Variants in KCNIP4 observed in about 807,000 individuals in gnomAD.
KCNIP4 encodes Kv channel-interacting protein 4.
In KCNIP4, 12 loss-of-function variants were observed where a neutral mutation model predicts 34.0. The ratio of observed to expected loss-of-function variants is 0.35; its 90% confidence interval spans 0.23 to 0.57. The LOEUF (loss-of-function observed/expected upper bound fraction) is 0.57. KCNIP4 is among the 20% of genes least tolerant of loss of function. KCNIP4 has a pLI of 0.83. For missense variants in KCNIP4, 238 were observed against 311.7 expected, an observed-to-expected ratio of 0.76 and a Z score of 1.78; for synonymous variants, 124 against 102.2, an observed-to-expected ratio of 1.21 and a Z score of -1.29.
intron 1 of KCNIP4, among the ~76,000 whole-genome samples, chr4:21,631,274 TAA>T (rs1745747619): frequency 6.6e-6 from 1 of 152,112 alleles, no homozygotes; most frequent in South Asian, 2.1e-4. Context: ...TGAATGTACT[TAA>T]GAGAAAAAAA....
chr4:20,785,065 A>G (rs1399533246), intron 3 of KCNIP4, among the ~76,000 whole-genome samples: 1 of 152,152 alleles, frequency 6.6e-6, no homozygotes, highest in Non-Finnish European at 1.5e-5. Context: ...ACAGTTTAAT[A>G]GAGAGGAAAC....
At chr4:20,939,674 AG>A (rs1412904224) in intron 1 of KCNIP4, among the ~76,000 whole-genome samples, 38 of 152,080 alleles carry the variant, frequency 2.5e-4, no homozygotes, top group African/African-American at 8.9e-4. Context: ...GCCTGGCCTC[AG>A]CCCATGATCT....
intron 1 of KCNIP4, among the ~76,000 whole-genome samples, chr4:21,091,894 C>T (rs954405026): frequency 6.6e-6 from 1 of 152,160 alleles, no homozygotes; most frequent in Non-Finnish European, 1.5e-5. Context: ...TCAACATACG[C>T]ATTTTGAGGG....
intron 1 of KCNIP4, among the ~76,000 whole-genome samples, chr4:21,560,551 A>G (rs2109031670): frequency 6.6e-6 from 1 of 152,242 alleles, no homozygotes; most frequent in Admixed American, 6.5e-5. Context: ...GATTTTATTT[A>G]TGTTAAGCAA....
intron 1 of KCNIP4, among the ~76,000 whole-genome samples, chr4:21,796,820 G>A (rs10516401): frequency 0.056 from 8,552 of 152,202 alleles, 342 homozygotes; most frequent in African/African-American, 0.11. Flanking sequence ...CGGGAGTCAA[G>A]ATTACATGTT....
chr4:21,482,475 C>A (rs1731515924), intron 1 of KCNIP4, among the ~76,000 whole-genome samples: 1 of 152,230 alleles, frequency 6.6e-6, no homozygotes, highest in South Asian at 2.1e-4. Context: ...ATGTTTAGTG[C>A]TTCCTTCAGG....
At chr4:20,983,992 C>T in intron 1 of KCNIP4, 1 of 1,521,280 alleles carries the variant, frequency 6.6e-7, no homozygotes, top group East Asian at 2.5e-5. Context: ...ATTACAGAAT[C>T]GTAGCAACGT....
intron 1 of KCNIP4, chr4:21,582,418 T>C (rs1741305409): frequency 6.6e-6 from 1 of 151,952 alleles, no homozygotes; most frequent in Non-Finnish European, 1.5e-5. Flanking sequence ...CAATAGGACT[T>C]TGATTTTATG....
intron 3 of KCNIP4, among the ~76,000 whole-genome samples, chr4:20,802,104 T>TATATATGCTATATATATGCC (rs1714319736): frequency 1.6e-5 from 2 of 122,366 alleles, no homozygotes; most frequent in Non-Finnish European, 3.3e-5. Context: ...ATATTGCATA[T>TATATATGCTATATATATGCC]ATATATGCTA....
At chr4:20,972,185 C>T (rs922750669) in intron 1 of KCNIP4, among the ~76,000 whole-genome samples, 7 of 152,130 alleles carry the variant, frequency 4.6e-5, no homozygotes, top group African/African-American at 1.7e-4. Flanking sequence ...TTGAAGTCAA[C>T]TTTTTCCAAA....
In KCNIP4 at chr4:21,287,613, T is replaced by TAA. The variant is rs551695958; in HGVS notation, c.62-404905_62-404904insTT. Among the ~76,000 whole-genome samples, 17 of 152,280 alleles carry TAA rather than the reference T, an allele frequency of 1.1e-4. No homozygotes were observed. The South Asian group carries it at 3.5e-3, about 32-fold the overall frequency. On this transcript the variant is annotated intron_variant, in intron 1 of 8. Transcript: ENST00000382152. ...TTTACGTCTCAAAAGTCCTACTAGT[T>TAA]ACTTACGTAAGGAAGTTTGTGGAAG...
chr4:21,766,403 G>A (rs1029914393), intron 1 of KCNIP4, among the ~76,000 whole-genome samples: 1 of 152,112 alleles, frequency 6.6e-6, no homozygotes, highest in Non-Finnish European at 1.5e-5. Flanking sequence ...AAGAGTTTGA[G>A]CTGGGACTCA....
chr4:20,824,249 C>G (rs767057339), intron 3 of KCNIP4, among the ~76,000 whole-genome samples: 10 of 152,122 alleles, frequency 6.6e-5, no homozygotes, highest in Non-Finnish European at 1.2e-4. Context: ...ATACTTTTTG[C>G]TCATCACAAT....
At chr4:21,374,861 G>T (rs1022216541) in intron 1 of KCNIP4, among the ~76,000 whole-genome samples, 1 of 147,428 alleles carries the variant, frequency 6.8e-6, no homozygotes, top group Non-Finnish European at 1.5e-5. Context: ...AGAGCCTCAG[G>T]CATGCTCCCC....
intron 1 of KCNIP4, among the ~76,000 whole-genome samples, chr4:21,443,940 G>C (rs1425249536): frequency 6.6e-6 from 1 of 151,106 alleles, no homozygotes; most frequent in African/African-American, 2.5e-5. Context: ...TGATAAAGGG[G>C]ATATCACCAC....
chr4:21,805,416 G>C (rs1286801664), intron 1 of KCNIP4, among the ~76,000 whole-genome samples: 1 of 152,006 alleles, frequency 6.6e-6, no homozygotes, highest in African/African-American at 2.4e-5. Context: ...GAGATCTGAT[G>C]GTTTTATAAG....
chr4:21,178,332 T>G (rs1382342999), intron 1 of KCNIP4, among the ~76,000 whole-genome samples: 1 of 152,168 alleles, frequency 6.6e-6, no homozygotes, highest in African/African-American at 2.4e-5. Context: ...AAACATTGGT[T>G]GGAACGAAGA....
At chr4:21,269,853 T>C (rs576160673) in intron 1 of KCNIP4, among the ~76,000 whole-genome samples, 3 of 152,222 alleles carry the variant, frequency 2.0e-5, no homozygotes, top group Non-Finnish European at 2.9e-5. Context: ...AGAGCTCAAA[T>C]TGGGCAGGCA....
intron 1 of KCNIP4, among the ~76,000 whole-genome samples, chr4:21,475,892 T>A (rs1730910485): frequency 1.3e-5 from 2 of 152,228 alleles, no homozygotes; most frequent in African/African-American, 4.8e-5. Context: ...AACCTCACTT[T>A]AAAATGCATA....
Sources: allele counts gnomAD v4.1 joint callset (sites outside exome capture counted in the v4.1 genomes callset), GRCh38; gene constraint gnomAD v4.1.1; transcripts MANE v1.5; gene names NCBI Gene and HGNC (gene_info 2026-07-23, HGNC 2026-07-21).